The following MCC variants were observed in gnomAD, a reference collection of about 807,000 sequenced individuals.
The protein encoded by MCC is MCC regulator of Wnt signaling pathway, also known as colorectal mutant cancer protein.
Under a neutral mutation model 116.2 loss-of-function variants are expected in MCC, and 90 were observed. The observed-to-expected ratio is 0.77, with a 90% CI of 0.65 to 0.92. The LOEUF (loss-of-function observed/expected upper bound fraction) is 0.92, where lower values mean the gene tolerates loss of function less well. MCC is among the 40% of genes least tolerant of loss of function. The pLI, the probability that MCC is intolerant of heterozygous loss-of-function variation, is 0.00. For missense variants in MCC, 1,516 were observed against 1,312.2 expected (o/e 1.16, Z -2.40); for synonymous variants, 578 against 510.5 (o/e 1.13, Z -1.78).
intron 3 of MCC, among the ~76,000 whole-genome samples, chr5:113,224,565 G>A (rs1304696692): frequency 6.6e-6 from 1 of 152,102 alleles, no homozygotes. Context: ...CAGCACTGTG[G>A]GAAGATCAGA....
chr5:113,045,661 T>C (rs1472119338), intron 16 of MCC, among the ~76,000 whole-genome samples: 1 of 152,010 alleles, frequency 6.6e-6, no homozygotes, highest in East Asian at 1.9e-4. Flanking sequence ...TAACCAGGCA[T>C]GGTGGCGCAC....
intron 3 of MCC, among the ~76,000 whole-genome samples, chr5:113,261,031 C>T (rs932215001): frequency 1.1e-4 from 16 of 152,038 alleles, no homozygotes; most frequent in Admixed American, 1.0e-3. Context: ...GCCAATATAC[C>T]GTTTACAAAT....
chr5:113,069,110 T>C (rs924606893), intron 12 of MCC, among the ~76,000 whole-genome samples: 3 of 152,370 alleles, frequency 2.0e-5, no homozygotes, highest in African/African-American at 7.2e-5. Context: ...GCAGTAGCCA[T>C]ACTTCATATG....
intron 8 of MCC, among the ~76,000 whole-genome samples, chr5:113,089,790 C>G (rs930423794): frequency 6.6e-6 from 1 of 152,064 alleles, no homozygotes; most frequent in Admixed American, 6.5e-5. Context: ...TAAAAATATT[C>G]AAGGAGGTGA....
intron 1 of MCC, among the ~76,000 whole-genome samples, chr5:113,468,485 T>G (rs1414563442): frequency 2.0e-5 from 3 of 152,198 alleles, no homozygotes; most frequent in African/African-American, 7.2e-5. Flanking sequence ...GGATTACATT[T>G]ATTGATTTGC....
chr5:113,431,564 C>T (rs75735928), intron 1 of MCC, among the ~76,000 whole-genome samples: 1 of 152,100 alleles, frequency 6.6e-6, no homozygotes, highest in Admixed American at 6.5e-5. Flanking sequence ...GGGTGAAGGG[C>T]TTCCTGGGGC....
intron 1 of MCC, among the ~76,000 whole-genome samples, chr5:113,440,584 A>T (rs1003367306): frequency 2.0e-5 from 3 of 152,122 alleles, no homozygotes; most frequent in Non-Finnish European, 4.4e-5. Flanking sequence ...AGTAAAGAAG[A>T]AACGGAAGGA....
At chr5:113,351,183 G>A (rs1014700867) in intron 2 of MCC, among the ~76,000 whole-genome samples, 1 of 151,958 alleles carries the variant, frequency 6.6e-6, no homozygotes, top group Non-Finnish European at 1.5e-5. Context: ...TCCCACTGCT[G>A]GATATATACC....
chr5:113,250,730 G>A (rs1024898114), intron 3 of MCC, among the ~76,000 whole-genome samples: 4 of 152,054 alleles, frequency 2.6e-5, no homozygotes, highest in Admixed American at 6.6e-5. Context: ...AGACAAAGAC[G>A]GCCAATGCTG....
At chr5:113,202,378 T>G (rs1235517950) in intron 3 of MCC, among the ~76,000 whole-genome samples, 2 of 152,190 alleles carry the variant, frequency 1.3e-5, no homozygotes, top group Non-Finnish European at 2.9e-5. Flanking sequence ...TGCCAAAATC[T>G]GTTCTCCAGG....
At chr5:113,224,271 T>C (rs959040409) in intron 3 of MCC, among the ~76,000 whole-genome samples, 3 of 152,090 alleles carry the variant, frequency 2.0e-5, no homozygotes, top group Non-Finnish European at 4.4e-5. Flanking sequence ...TTTTGTGTTT[T>C]TAGTAGAGAT....
chr5:113,440,809 C>T (rs528607062), intron 1 of MCC, among the ~76,000 whole-genome samples: 1 of 152,088 alleles, frequency 6.6e-6, no homozygotes, highest in South Asian at 2.1e-4. Flanking sequence ...AGAAAGAAAT[C>T]GGGGATTATA....
At chr5:113,142,292 C>T (rs10066096) in intron 5 of MCC, among the ~76,000 whole-genome samples, 1 of 151,830 alleles carries the variant, frequency 6.6e-6, no homozygotes, top group Non-Finnish European at 1.5e-5. Flanking sequence ...GTGAACAAAG[C>T]GCTCTTTCTC....
At chr5:113,027,721 G>C (rs952397517) in intron 18 of MCC, among the ~76,000 whole-genome samples, 5 of 151,700 alleles carry the variant, frequency 3.3e-5, no homozygotes, top group African/African-American at 1.2e-4. Context: ...GCTAGAGGCT[G>C]GTCACTCTCA....
chr5:113,276,325 A>C (rs1765823923), intron 3 of MCC, among the ~76,000 whole-genome samples: 1 of 152,098 alleles, frequency 6.6e-6, no homozygotes, highest in Non-Finnish European at 1.5e-5. Flanking sequence ...GTTTTTTTAA[A>C]CTGAACTTTA....
At chr5:113,222,171 A>G (rs1763576192) in intron 3 of MCC, among the ~76,000 whole-genome samples, 1 of 152,136 alleles carries the variant, frequency 6.6e-6, no homozygotes, top group African/African-American at 2.4e-5. Context: ...TTCTATATTT[A>G]TTAAGATTCT....
chr5:113,039,711 G>GCCC (rs61635777), intron 17 of MCC, among the ~76,000 whole-genome samples: 10 of 52,368 alleles, frequency 1.9e-4, no homozygotes, highest in African/African-American at 6.5e-4. Flanking sequence ...CCCACTCCGC[G>GCCC]CCCCCCCCCC....
intron 14 of MCC, among the ~76,000 whole-genome samples, chr5:113,059,600 C>T (rs563788494): frequency 1.3e-5 from 2 of 152,220 alleles, no homozygotes; most frequent in Non-Finnish European, 2.9e-5. Flanking sequence ...TCTCTGAGAG[C>T]GACTGTGGGG....
chr5:113,114,951 C>A (rs954447933), intron 6 of MCC, among the ~76,000 whole-genome samples: 3 of 149,230 alleles, frequency 2.0e-5, no homozygotes, highest in Non-Finnish European at 4.4e-5. Flanking sequence ...CACACTGACC[C>A]TCTGCCTTCA....
Sources: allele counts gnomAD v4.1 joint callset (sites outside exome capture counted in the v4.1 genomes callset), GRCh38; gene constraint gnomAD v4.1.1; transcripts MANE v1.5; gene names NCBI Gene and HGNC (gene_info 2026-07-23, HGNC 2026-07-21).